The following SV2B variants were observed in gnomAD, a reference collection of about 807,000 sequenced individuals.
The protein encoded by SV2B is synaptic vesicle glycoprotein 2B.
In SV2B, 41 loss-of-function variants were observed where a neutral mutation model predicts 73.9. The ratio of observed to expected loss-of-function variants is 0.56; its 90% confidence interval spans 0.43 to 0.72. The LOEUF (loss-of-function observed/expected upper bound fraction) is 0.72. Ranked by LOEUF, SV2B falls within the 30% of genes least tolerant of loss-of-function variation. The pLI is 0.00. For synonymous variants in SV2B, 314 were observed against 314.2 expected, an observed-to-expected ratio of 1.00 and a Z score of 0.01; for missense variants, 764 against 857.8, an observed-to-expected ratio of 0.89 and a Z score of 1.37.
chr15:91,116,641 C>G (rs2042186745), intron 1 of SV2B, among the ~76,000 whole-genome samples: 1 of 152,186 alleles, frequency 6.6e-6, no homozygotes, highest in East Asian at 1.9e-4. Context: ...CATGCACTGA[C>G]AGAGCTAGAA....
At chr15:91,134,152 C>A (rs540991662) in intron 1 of SV2B, among the ~76,000 whole-genome samples, 1 of 151,940 alleles carries the variant, frequency 6.6e-6, no homozygotes, top group Non-Finnish European at 1.5e-5. Flanking sequence ...GTGTGCACCA[C>A]CACGCCTGGC....
chr15:91,113,145 T>C (rs867010126), intron 1 of SV2B, among the ~76,000 whole-genome samples: 7 of 152,204 alleles, frequency 4.6e-5, no homozygotes, highest in South Asian at 2.1e-4. Flanking sequence ...GATGTAATCA[T>C]GTTAAGTATG....
At chr15:91,107,855 T>C (rs1170411691) in intron 1 of SV2B, among the ~76,000 whole-genome samples, 1 of 152,164 alleles carries the variant, frequency 6.6e-6, no homozygotes, top group East Asian at 1.9e-4. Context: ...AAGTGATTCT[T>C]CCACCTTAGT....
At chr15:91,179,867 T>A (rs2044477927) in intron 1 of SV2B, among the ~76,000 whole-genome samples, 1 of 152,080 alleles carries the variant, frequency 6.6e-6, no homozygotes, top group Non-Finnish European at 1.5e-5. Flanking sequence ...CTGTGTCTTT[T>A]AATTGGAGCA....
intron 1 of SV2B, among the ~76,000 whole-genome samples, chr15:91,148,849 T>C (rs540255550): frequency 7.2e-5 from 11 of 152,296 alleles, no homozygotes; most frequent in Middle Eastern, 3.4e-3. Context: ...CTAGCCTTTG[T>C]TGTATTCAGG....
chr15:91,138,745 A>G (rs546670449), intron 1 of SV2B, among the ~76,000 whole-genome samples: 18 of 152,200 alleles, frequency 1.2e-4, no homozygotes, highest in African/African-American at 4.1e-4. Flanking sequence ...TGTAAATACT[A>G]TGTCTTTTAT....
rs558846641 is a variant in SV2B at position 91,117,002 on chromosome 15, C to T, written c.-392+16639C>T. 5.3e-5 allele frequency among the ~76,000 whole-genome samples: 8 copies of T among 152,264 alleles called. No homozygotes were observed. The South Asian group carries it at 1.7e-3, about 32-fold the overall frequency. ...CAGTTACCTCCCAACAAGTCCTTCC[C>T]ATGACATGTGGGGATTATGAAAGCT... On this transcript the variant is annotated intron_variant, in intron 1 of 12. Coordinates refer to ENST00000394232, the MANE Select transcript of SV2B (RefSeq NM_001323032.3).
chr15:91,207,185 C>CTTTTT (rs1228201080), intron 1 of SV2B, among the ~76,000 whole-genome samples: 8 of 126,894 alleles, frequency 6.3e-5, no homozygotes, highest in African/African-American at 2.1e-4. Context: ...TTATGCCTGG[C>CTTTTT]TTTTTTTTTT....
rs2047791590 is a variant in SV2B, at chr15:91,258,648, C to T, written c.918+94C>T. 1.3e-6 allele frequency: 2 copies of T among 1,564,238 alleles called. No homozygotes were observed. The highest frequency in any genetic ancestry group is 1.7e-6 in the Non-Finnish European group (2 of 1,152,944). ...CTCTCAGCTCCTAGTCCCACATCCT[C>T]TGCTGCTTATGTGTTGCAAACTCTC... On this transcript the variant is annotated intron_variant, in intron 5 of 12. Transcript: ENST00000394232. The surrounding 1 kb of genome is among the most constrained non-coding windows in gnomAD (Gnocchi z 4.7).
chr15:91,126,628 A>G (rs1288282173), intron 1 of SV2B, among the ~76,000 whole-genome samples: 1 of 152,228 alleles, frequency 6.6e-6, no homozygotes, highest in East Asian at 1.9e-4. Flanking sequence ...AGCAAACAAA[A>G]TCTAGCAACA....
intron 6 of SV2B, among the ~76,000 whole-genome samples, chr15:91,262,089 A>G (rs983384134): frequency 6.6e-6 from 1 of 152,200 alleles, no homozygotes; most frequent in Non-Finnish European, 1.5e-5. Context: ...GCAGGATCAC[A>G]CGGTGGCTGA....
chr15:91,269,874 A>G (rs1386412186), intron 9 of SV2B, among the ~76,000 whole-genome samples: 1 of 152,166 alleles, frequency 6.6e-6, no homozygotes, highest in African/African-American at 2.4e-5. Context: ...AGACATCTCC[A>G]TACTCATATA....
intron 1 of SV2B, among the ~76,000 whole-genome samples, chr15:91,168,713 T>C (rs1323635062): frequency 6.6e-6 from 1 of 152,240 alleles, no homozygotes; most frequent in African/African-American, 2.4e-5. Context: ...TTCTTTGAGT[T>C]GTAATTTTCC....
At chr15:91,119,847 AC>A (rs1210287949) in intron 1 of SV2B, among the ~76,000 whole-genome samples, 1 of 152,210 alleles carries the variant, frequency 6.6e-6, no homozygotes, top group Non-Finnish European at 1.5e-5. Flanking sequence ...GAGATTGAGC[AC>A]TTTTATTTAT....
At chr15:91,190,426 T>C (rs2044965813) in intron 1 of SV2B, among the ~76,000 whole-genome samples, 1 of 152,188 alleles carries the variant, frequency 6.6e-6, no homozygotes, top group Non-Finnish European at 1.5e-5. Context: ...ATGCGCATTA[T>C]TTTTTTGTTC....
rs200016125 is a variant in SV2B at position 91,125,781 on chromosome 15, C to CAAAAAAAAAAAAAAAAAAAAAAAAA, written c.-392+25437_-392+25438insAAAAAAAAAAAAAAAAAAAAAAAAA. On this transcript the variant is annotated intron_variant, in intron 1 of 12. Coordinates refer to ENST00000394232, the MANE Select transcript of SV2B (RefSeq NM_001323032.3). ...CAAAGTGAGACCCTGTCTCAAGGGG[C>CAAAAAAAAAAAAAAAAAAAAAAAAA]AAAAAAAAAAAAAAAAAAATTCAGT... Among the ~76,000 whole-genome samples the CAAAAAAAAAAAAAAAAAAAAAAAAA allele has an allele frequency of 4.4e-4, 25 of 57,058 alleles. 2 individuals carry two copies. Among genetic ancestry groups the CAAAAAAAAAAAAAAAAAAAAAAAAA allele is most frequent in the African/African-American group, 8.3e-4 (13 of 15,638 alleles). The allele number at this position is 57,058 out of a possible 152,430, so 37.4% of individuals were successfully genotyped here. A position where few individuals can be genotyped will look rare whatever the true frequency, so the allele number is the denominator to read the frequency against.
chr15:91,266,319 T>C (rs2048099297), intron 6 of SV2B, among the ~76,000 whole-genome samples: 1 of 152,210 alleles, frequency 6.6e-6, no homozygotes, highest in Non-Finnish European at 1.5e-5. Context: ...CATCTGTATT[T>C]CCCTTCTGCT....
At chr15:91,112,874 T>C (rs1383703657) in intron 1 of SV2B, among the ~76,000 whole-genome samples, 1 of 152,210 alleles carries the variant, frequency 6.6e-6, no homozygotes, top group Non-Finnish European at 1.5e-5. Context: ...TGGATTACAG[T>C]GGTGCCGTCA....
At chr15:91,279,875 GT>G (rs923621494) in intron 9 of SV2B, among the ~76,000 whole-genome samples, 3 of 152,186 alleles carry the variant, frequency 2.0e-5, no homozygotes, top group Non-Finnish European at 2.9e-5. Context: ...TCACCAATTA[GT>G]TTTCCCATGG....
Sources: gnomAD v4.1 joint callset for allele counts (sites outside exome capture counted in the v4.1 genomes callset) on GRCh38, gnomAD v4.1.1 for gene constraint, Gnocchi (gnomAD v3.1) non-coding constraint, MANE v1.5 for transcripts, NCBI Gene and HGNC (gene_info 2026-07-23, HGNC 2026-07-21) for gene names.